ZNF248: variants seen among roughly 807,000 people sequenced by gnomAD.
The protein encoded by ZNF248 is zinc finger protein 248.
ZNF248 carries 20 observed loss-of-function variants against 44.3 expected under a neutral mutation model. The observed-to-expected ratio is 0.45, with a 90% CI of 0.32 to 0.66. The LOEUF is 0.66. Among genes scored for constraint, ZNF248 ranks in the 30% least tolerant of loss-of-function variants. The pLI, the probability that ZNF248 is intolerant of heterozygous loss-of-function variation, is 0.04. For synonymous variants in ZNF248, 224 were observed against 229.0 expected (o/e 0.98, Z 0.20); for missense variants, 654 against 677.0 (o/e 0.97, Z 0.38).
At chr10:37,776,898 T>C (rs2046635368) in intron 6 of ZNF248, among the ~76,000 whole-genome samples, 2 of 152,282 alleles carry the variant, frequency 1.3e-5, no homozygotes, top group African/African-American at 4.8e-5. Context: ...AGTTTTCTTG[T>C]TTGTCAAGAT....
At chr10:37,849,847 T>G (rs1197012894) in intron 3 of ZNF248, among the ~76,000 whole-genome samples, 1 of 152,012 alleles carries the variant, frequency 6.6e-6, no homozygotes, top group Non-Finnish European at 1.5e-5. Context: ...CCAAGGCATG[T>G]GGATCACAAG....
intron 6 of ZNF248, among the ~76,000 whole-genome samples, chr10:37,816,125 G>C (rs894691628): frequency 8.6e-5 from 13 of 151,986 alleles, no homozygotes; most frequent in African/African-American, 2.9e-4. Context: ...CTAGGCTCTG[G>C]GAATGGCTCA....
At chr10:37,847,828 A>AG (rs2059581557) in intron 3 of ZNF248, among the ~76,000 whole-genome samples, 1 of 152,246 alleles carries the variant, frequency 6.6e-6, no homozygotes, top group Non-Finnish European at 1.5e-5. Flanking sequence ...GGGGAAGCTG[A>AG]GAATGGGTAG....
chr10:37,821,365 G>C (rs965541657), intron 6 of ZNF248, among the ~76,000 whole-genome samples: 3 of 152,168 alleles, frequency 2.0e-5, no homozygotes, highest in African/African-American at 7.2e-5. Context: ...TACCTGTCCA[G>C]TCACATATTT....
chr10:37,855,863 CAGTT>C (rs1012593713), intron 3 of ZNF248, among the ~76,000 whole-genome samples: 1 of 152,218 alleles, frequency 6.6e-6, no homozygotes. Flanking sequence ...CTGACACAAA[CAGTT>C]AGGGAAAACT....
intron 3 of ZNF248, among the ~76,000 whole-genome samples, chr10:37,845,674 A>G (rs1230322352): frequency 6.6e-6 from 1 of 152,166 alleles, no homozygotes; most frequent in Non-Finnish European, 1.5e-5. Context: ...ATTTTCATGA[A>G]AAGGAAAAAT....
chr10:37,822,406 A>G (rs1228970905), intron 6 of ZNF248, among the ~76,000 whole-genome samples: 1 of 152,156 alleles, frequency 6.6e-6, no homozygotes, highest in African/African-American at 2.4e-5. Context: ...TATATATATT[A>G]AACAAAAATG....
chr10:37,799,950 G>A (rs1464275208), intron 6 of ZNF248, among the ~76,000 whole-genome samples: 1 of 152,042 alleles, frequency 6.6e-6, no homozygotes, highest in Admixed American at 6.6e-5. Context: ...GCTCATGCTT[G>A]TTTTCCCAGC....
chr10:37,795,504 C>T (rs12763390), intron 6 of ZNF248: 16,654 of 152,102 alleles, frequency 0.11, 1,157 homozygotes, highest in Admixed American at 0.19. Flanking sequence ...CCTCTCCCAA[C>T]ATGAGATCTC....
At chr10:37,790,913 C>T (rs2048447392) in intron 6 of ZNF248, among the ~76,000 whole-genome samples, 1 of 141,200 alleles carries the variant, frequency 7.1e-6, no homozygotes, top group Non-Finnish European at 1.5e-5. Context: ...GACTGAGACC[C>T]CATTATCTTA....
chr10:37,779,467 C>G (rs1355541546), intron 6 of ZNF248, among the ~76,000 whole-genome samples: 2 of 152,112 alleles, frequency 1.3e-5, no homozygotes, highest in African/African-American at 4.8e-5. Context: ...TTCAACAACC[C>G]TTCATGCTAA....
At chr10:37,784,971 CA>C (rs1234033558) in intron 6 of ZNF248, among the ~76,000 whole-genome samples, 1 of 151,344 alleles carries the variant, frequency 6.6e-6, no homozygotes, top group Non-Finnish European at 1.5e-5. Flanking sequence ...CTCCTGCCGC[CA>C]AAAAAAAGGA....
chr10:37,764,607 G>A, the ZNF248 span, among the ~76,000 whole-genome samples: 2 of 152,096 alleles, frequency 1.3e-5, no homozygotes, highest in African/African-American at 4.8e-5. Context: ...TGTCTCCCCT[G>A]GACACCCAGC....
downstream of ZNF248, among the ~76,000 whole-genome samples, chr10:37,826,051 G>A (rs1288787296): frequency 6.6e-6 from 1 of 152,156 alleles, no homozygotes; most frequent in Non-Finnish European, 1.5e-5. Flanking sequence ...ATAAAATATT[G>A]TTGATCCAGC....
At chr10:37,775,563 G>A (rs1313832409), downstream of ZNF248, 2 of 152,198 alleles carry the variant, frequency 1.3e-5, no homozygotes, top group East Asian at 3.8e-4. Flanking sequence ...CATGATGAGT[G>A]AGAATTCACA....
At chr10:37,770,411 G>T in the ZNF248 span, among the ~76,000 whole-genome samples, 4 of 152,160 alleles carry the variant, frequency 2.6e-5, no homozygotes, top group Non-Finnish European at 4.4e-5. Context: ...GCATGGTACT[G>T]GTACCAAAAC....
intron 6 of ZNF248, among the ~76,000 whole-genome samples, chr10:37,801,679 T>A (rs2049857850): frequency 6.6e-6 from 1 of 152,150 alleles, no homozygotes; most frequent in Admixed American, 6.5e-5. Context: ...AAAATGCATA[T>A]TAAAATGACA....
intron 6 of ZNF248, among the ~76,000 whole-genome samples, chr10:37,800,523 T>C (rs762612879): frequency 2.0e-5 from 3 of 152,220 alleles, no homozygotes; most frequent in Non-Finnish European, 4.4e-5. Flanking sequence ...CTACTGTTGA[T>C]TGATATTTAG....
At chr10:37,769,762 G>A in the ZNF248 span, among the ~76,000 whole-genome samples, 1 of 152,328 alleles carries the variant, frequency 6.6e-6, no homozygotes, top group East Asian at 1.9e-4. Flanking sequence ...AGTGGTGGAA[G>A]TTCTGGCCAG....
Sources: gnomAD v4.1 joint callset for allele counts (sites outside exome capture counted in the v4.1 genomes callset) on GRCh38, gnomAD v4.1.1 for gene constraint, MANE v1.5 for transcripts, NCBI Gene and HGNC (gene_info 2026-07-23, HGNC 2026-07-21) for gene names.